The following CSMD1 variants were observed in gnomAD, a reference collection of about 807,000 sequenced individuals.
The protein encoded by CSMD1 is CUB and Sushi multiple domains 1.
Under a neutral mutation model 417.5 loss-of-function variants are expected in CSMD1, and 213 were observed. The ratio of observed to expected loss-of-function variants is 0.51; its 90% CI spans 0.46 to 0.57. The LOEUF is 0.57. CSMD1 is among the 20% of genes least tolerant of loss of function. CSMD1 has a pLI of 0.00. For missense variants in CSMD1, 6,923 were observed against 4,529.7 expected (o/e 1.53, Z -15.17); for synonymous variants, 2,862 against 1,736.8 (o/e 1.65, Z -16.11).
intron 49 of CSMD1, among the ~76,000 whole-genome samples, chr8:3,074,641 A>C (rs1446268581): frequency 2.0e-5 from 3 of 152,238 alleles, no homozygotes; most frequent in African/African-American, 7.2e-5. Flanking sequence ...AAGTGCAAAG[A>C]TGTTTCTGAA....
intron 5 of CSMD1, among the ~76,000 whole-genome samples, chr8:3,808,000 T>C (rs1396201518): frequency 6.6e-6 from 1 of 152,212 alleles, no homozygotes; most frequent in Admixed American, 6.5e-5. Flanking sequence ...ATTTAAATGC[T>C]TTAAAGTCGT....
intron 1 of CSMD1, among the ~76,000 whole-genome samples, chr8:4,822,794 GA>G (rs1370144729): frequency 6.6e-6 from 1 of 151,932 alleles, no homozygotes; most frequent in Non-Finnish European, 1.5e-5. Context: ...AATCTTTTTA[GA>G]AAATATTTCT....
intron 12 of CSMD1, among the ~76,000 whole-genome samples, chr8:3,425,574 C>G (rs1239605446): frequency 1.1e-4 from 11 of 97,784 alleles, no homozygotes; most frequent in African/African-American, 4.1e-4. Context: ...GGAGAGAGAG[C>G]AAGATTCGGT....
intron 6 of CSMD1, among the ~76,000 whole-genome samples, chr8:3,723,589 A>G (rs1018874818): frequency 1.3e-5 from 2 of 152,224 alleles, no homozygotes; most frequent in African/African-American, 2.4e-5. Flanking sequence ...CTTTTTGCCA[A>G]TGATGAAATT....
chr8:3,977,163 G>C (rs544654846), intron 5 of CSMD1, among the ~76,000 whole-genome samples: 1 of 152,084 alleles, frequency 6.6e-6, no homozygotes, highest in East Asian at 1.9e-4. Context: ...TCAATCTCTT[G>C]GGCTGAAGCA....
intron 2 of CSMD1, among the ~76,000 whole-genome samples, chr8:4,553,825 A>G (rs1304401201): frequency 5.3e-5 from 8 of 152,156 alleles, no homozygotes; most frequent in Non-Finnish European, 1.2e-4. Context: ...TTTACAAGGG[A>G]CATGATTGGG....
intron 26 of CSMD1, among the ~76,000 whole-genome samples, chr8:3,247,334 T>C (rs7834606): frequency 1 from 152,160 of 152,294 alleles, 76,014 homozygotes; most frequent in Non-Finnish European, 1. Context: ...CTCCTCCTGC[T>C]CCTGGCCCCC....
At chr8:3,244,735 A>G (rs1799770643) in intron 26 of CSMD1, among the ~76,000 whole-genome samples, 1 of 152,204 alleles carries the variant, frequency 6.6e-6, no homozygotes, top group Non-Finnish European at 1.5e-5. Flanking sequence ...TTGGGAAACA[A>G]GGGTTGAATG....
At chr8:4,302,797 A>G (rs931462086) in intron 3 of CSMD1, among the ~76,000 whole-genome samples, 3 of 152,106 alleles carry the variant, frequency 2.0e-5, no homozygotes, top group Non-Finnish European at 2.9e-5. Context: ...CAGCCCCTCT[A>G]CAAGCCAGAG....
chr8:3,354,185 C>T (rs548813127), intron 21 of CSMD1, among the ~76,000 whole-genome samples: 12 of 152,266 alleles, frequency 7.9e-5, no homozygotes, highest in African/African-American at 2.6e-4. Context: ...TCTGCCTATT[C>T]AATACAGTTA....
chr8:3,372,915 A>T (rs1810063787), intron 18 of CSMD1, among the ~76,000 whole-genome samples: 1 of 152,200 alleles, frequency 6.6e-6, no homozygotes, highest in African/African-American at 2.4e-5. Context: ...GAAGAAAACC[A>T]GCAGAGGACG....
At chr8:3,299,488 G>T (rs139380996) in intron 25 of CSMD1, among the ~76,000 whole-genome samples, 131 of 152,220 alleles carry the variant, frequency 8.6e-4, no homozygotes, top group African/African-American at 3.1e-3. Context: ...TCATCGCTAA[G>T]GAACTCTGTG....
chr8:4,601,976 C>G (rs574413905), intron 2 of CSMD1, among the ~76,000 whole-genome samples: 1 of 152,256 alleles, frequency 6.6e-6, no homozygotes, highest in Non-Finnish European at 1.5e-5. Context: ...GAGCCAGCAA[C>G]TGTACTCTCT....
At chr8:4,892,690 C>A (rs1804202624) in intron 1 of CSMD1, among the ~76,000 whole-genome samples, 1 of 151,940 alleles carries the variant, frequency 6.6e-6, no homozygotes, top group Non-Finnish European at 1.5e-5. Flanking sequence ...TTCATATAGT[C>A]TTTTTGTACA....
chr8:3,268,430 A>T (rs1399629286), intron 26 of CSMD1, among the ~76,000 whole-genome samples: 1 of 151,194 alleles, frequency 6.6e-6, no homozygotes, highest in Non-Finnish European at 1.5e-5. Flanking sequence ...CTGGGACTAC[A>T]GGTGCCCGCC....
chr8:3,134,775 C>A (rs1045414464), intron 41 of CSMD1, among the ~76,000 whole-genome samples: 2 of 152,152 alleles, frequency 1.3e-5, no homozygotes, highest in African/African-American at 4.8e-5. Flanking sequence ...CATACTTCCA[C>A]AGGCAGCTGT....
At chr8:4,260,717 T>G (rs1457727334) in intron 3 of CSMD1, among the ~76,000 whole-genome samples, 2 of 152,194 alleles carry the variant, frequency 1.3e-5, no homozygotes, top group East Asian at 3.9e-4. Context: ...TTTATTAATA[T>G]CTTCTTATAA....
chr8:3,446,074 A>G (rs190347579), intron 12 of CSMD1, among the ~76,000 whole-genome samples: 174 of 152,322 alleles, frequency 1.1e-3, no homozygotes, highest in African/African-American at 3.5e-3. Flanking sequence ...GTCTGGAAAG[A>G]TAACAGTAAA....
At chr8:4,260,157 C>T (rs1803771788) in intron 3 of CSMD1, among the ~76,000 whole-genome samples, 2 of 152,138 alleles carry the variant, frequency 1.3e-5, no homozygotes, top group Non-Finnish European at 2.9e-5. Flanking sequence ...GGCTAAGTCC[C>T]ATCAGGTGGC....
Sources: allele counts gnomAD v4.1 joint callset (sites outside exome capture counted in the v4.1 genomes callset), GRCh38; gene constraint gnomAD v4.1.1; transcripts MANE v1.5; gene names NCBI Gene and HGNC (gene_info 2026-07-23, HGNC 2026-07-21).